Variants in MYH9 observed in about 807,000 individuals in gnomAD.
MYH9 encodes myosin-9.
In MYH9, 29 loss-of-function variants were observed where a neutral mutation model predicts 241.9. The observed-to-expected ratio is 0.12, with a 90% CI of 0.09 to 0.16. The LOEUF (loss-of-function observed/expected upper bound fraction) is 0.16. MYH9 is among the 10% of genes least tolerant of loss of function. The probability of loss-of-function intolerance (pLI) is 1.00; values close to 1 mark genes in which losing one functional copy is unlikely to be tolerated. For missense variants in MYH9, 1,803 were observed against 2,595.5 expected (o/e 0.69, Z 6.63); for synonymous variants, 1,047 against 1,062.6 (o/e 0.99, Z 0.29).
At chr22:36,325,210 G>A in intron 5 of MYH9, 1 of 678,888 alleles carries the variant, frequency 1.5e-6, no homozygotes, top group Non-Finnish European at 2.7e-6. Flanking sequence ...AAAAGAAACT[G>A]TATTAGTTTC....
At position 36,285,183 on chromosome 22, in the gene MYH9, G is replaced by C; in HGVS notation, c.5421C>G (p.Ala1807=). ...MEGTVKSKYK[A]SITALEAKIA... is the part of the protein sequence containing the mutation. ...TCTTGGCCTCGAGGGCGGTGATGGA[G>C]GCCTTGTACTTGGACTTGACAGTGC... Residue 1807 remains alanine, a synonymous_variant, in exon 38 of 41, where the codon GCC becomes GCG. Coordinates refer to ENST00000216181, the MANE Select transcript of MYH9 (RefSeq NM_002473.6). This position sits in a 1 kb window ranked among gnomAD's most constrained non-coding sequence, Gnocchi z 7.0. The C allele has an allele frequency of 6.2e-7, 1 of 1,614,144 alleles. No homozygotes were observed. Among genetic ancestry groups the C allele is most frequent in the African/African-American group, 1.3e-5 (1 of 75,034 alleles).
intron 23 of MYH9, 88 bp from the exon 24 acceptor site, chr22:36,299,130 G>C: frequency 6.4e-7 from 1 of 1,551,378 alleles, no homozygotes; most frequent in Non-Finnish European, 8.9e-7. Context: ...CGGAAATCTG[G>C]GGCTGAATGG....
rs2017389493 is a variant in MYH9, at chr22:36,329,525, T to C, written c.491-2037A>G. 6.6e-6 allele frequency among the ~76,000 whole-genome samples: 1 copy of C among 152,162 alleles called. No homozygotes were observed. Among genetic ancestry groups the C allele is most frequent in the South Asian group, 2.1e-4 (1 of 4,826 alleles). Reference sequence around the variant, plus strand: ...CTGTGGTCTGCCCCAGCTGTGGGCATGTTTAGTCACCGGCTCTACTAGCAG... The same window carrying C: ...CTGTGGTCTGCCCCAGCTGTGGGCACGTTTAGTCACCGGCTCTACTAGCAG... On this transcript the variant is annotated intron_variant, in intron 3 of 40. Coordinates refer to ENST00000216181, the MANE Select transcript of MYH9 (RefSeq NM_002473.6). This position sits in a 1 kb window ranked among gnomAD's most constrained non-coding sequence, Gnocchi z 4.1.
At position 36,293,212 on chromosome 22, in the gene MYH9, G is replaced by T. The variant is rs1603482901; in HGVS notation, c.4095+117C>A. On this transcript the variant is annotated intron_variant, in intron 30 of 40. Transcript: ENST00000216181. This position sits in a 1 kb window ranked among gnomAD's most constrained non-coding sequence, Gnocchi z 5.1. ...TGGGAGAGCACGGTTGGCTTCCCAG[G>T]GGGAGAGCAGCAATGGGCCGGCCCA... 7.2e-7 allele frequency: 1 copy of T among 1,382,376 alleles called. No homozygotes were observed. Among genetic ancestry groups the T allele is most frequent in the South Asian group, 1.2e-5 (1 of 81,702 alleles). The allele number at this position is 1,382,376 out of a possible 1,614,324, so 85.6% of individuals were successfully genotyped here.
chr22:36,290,113 T>C (rs6000229), intron 31 of MYH9, among the ~76,000 whole-genome samples: 28,046 of 152,084 alleles, frequency 0.18, 7,843 homozygotes, highest in African/African-American at 0.61. Context: ...GTGATATGAA[T>C]GCATAAATAA....
At position 36,320,429 on chromosome 22, in the gene MYH9, T is replaced by G; in HGVS notation, c.869-66A>C. On this transcript the variant is annotated intron_variant, in intron 8 of 40. Coordinates refer to ENST00000216181, the MANE Select transcript of MYH9 (RefSeq NM_002473.6). This position sits in a 1 kb window ranked among gnomAD's most constrained non-coding sequence, Gnocchi z 4.8. ...GAAAGTGGAGGCTCCATCAGCGCTG[T>G]GACCTCAAAGGTTGGAGAGACTGGG... The G allele has an allele frequency of 4.4e-6, 7 of 1,582,872 alleles. No individual in the cohort carries two copies. The highest frequency in any genetic ancestry group is 5.2e-6 in the Non-Finnish European group (6 of 1,162,480).
rs748775562 is a variant in MYH9, at chr22:36,320,789, A to G, written c.868+9T>C. 14 of 1,610,444 alleles carry G rather than the reference A, an allele frequency of 8.7e-6. No individual in the cohort carries two copies. Among genetic ancestry groups the G allele is most frequent in the Non-Finnish European group, 1.1e-5 (13 of 1,176,894 alleles). ...AGCCCCGGTGTCAGGCTGCAGGCCA[A>G]CTACTCACTCTTCAGGTGCTCTCCA... On this transcript the variant is annotated intron_variant, in intron 8 of 40. Transcript: ENST00000216181. The surrounding 1 kb of genome is among the most constrained non-coding windows in gnomAD (Gnocchi z 4.8).
At position 36,329,601 on chromosome 22, in the gene MYH9, A is replaced by T. The variant is rs2017390925; in HGVS notation, c.491-2113T>A. Among the ~76,000 whole-genome samples, 1 of 152,204 alleles carries T rather than the reference A, an allele frequency of 6.6e-6. No homozygotes were observed. Among genetic ancestry groups the T allele is most frequent in the South Asian group, 2.1e-4 (1 of 4,830 alleles). On this transcript the variant is annotated intron_variant, in intron 3 of 40. Transcript: ENST00000216181. The surrounding 1 kb of genome is among the most constrained non-coding windows in gnomAD (Gnocchi z 4.1). ...CAAGTCGTGAGCAGCCAACGGCCCA[A>T]TGCTACCATAAAAGGAAACATTCCC...
chr22:36,369,415 T>G (rs1214289391), intron 1 of MYH9, among the ~76,000 whole-genome samples: 1 of 152,090 alleles, frequency 6.6e-6, no homozygotes, highest in Admixed American at 6.5e-5. Flanking sequence ...CAGGAAACAG[T>G]GGGCGGCAGG....
At chr22:36,370,301 G>A (rs2018070217) in intron 1 of MYH9, among the ~76,000 whole-genome samples, 2 of 152,164 alleles carry the variant, frequency 1.3e-5, no homozygotes, top group Non-Finnish European at 2.9e-5. Context: ...AGGCTCAGAA[G>A]CCAAAGAAAT....
At position 36,282,548 on chromosome 22, in the gene MYH9, G is replaced by A; in HGVS notation, c.*120C>T. The A allele has an allele frequency of 2.1e-6, 2 of 947,098 alleles. No individual in the cohort carries two copies. The highest frequency in any genetic ancestry group is 2.4e-5 in the East Asian group (1 of 41,946). The allele number at this position is 947,098 out of a possible 1,614,324, so 58.7% of individuals were successfully genotyped here. A position where few individuals can be genotyped will look rare whatever the true frequency, so the allele number is the denominator to read the frequency against. On this transcript the variant is annotated 3_prime_UTR_variant, in exon 41 of 41. Coordinates refer to ENST00000216181, the MANE Select transcript of MYH9 (RefSeq NM_002473.6). ...ACGGGATGGGGGGACGGGGCGGAGG[G>A]CAGGAGGAGGCATGTTCACAGCAGT... is the stretch of plus-strand genomic sequence containing the variant.
At chr22:36,331,926 T>C (rs529291435) in intron 3 of MYH9, among the ~76,000 whole-genome samples, 26 of 152,330 alleles carry the variant, frequency 1.7e-4, no homozygotes, top group African/African-American at 5.3e-4. Context: ...CTGAGACAAA[T>C]GGGACCAAAA....
chr22:36,301,237 C>G (rs1012494388), intron 21 of MYH9, among the ~76,000 whole-genome samples, 180 bp from the exon 22 acceptor site: 3 of 152,310 alleles, frequency 2.0e-5, no homozygotes, highest in Admixed American at 1.3e-4. Flanking sequence ...CTTGATTTTT[C>G]ACTACCCCAT....
At position 36,293,842 on chromosome 22, in the gene MYH9, C is replaced by T. The variant is rs781586533; in HGVS notation, c.3859G>A (p.Gly1287Arg). ...TTGCTGTCGGACTGGCTGAGAAGCC[C>T]GGTCACGTTGTCCAGCTCCACCTGC... ...KLQVELDNVTGLLSQSDSKSS... is the reference protein window; with the variant it reads ...KLQVELDNVTRLLSQSDSKSS... The change falls in exon 29 of 41, where the codon GGG (glycine) becomes AGG (arginine). Residue 1287 changes from glycine (G) to arginine (R), a missense_variant. Physicochemically the swap from Gly to Arg is moderately radical, Grantham distance 125. Coordinates refer to ENST00000216181, the MANE Select transcript of MYH9 (RefSeq NM_002473.6). The surrounding 1 kb of genome is among the most constrained non-coding windows in gnomAD (Gnocchi z 5.1). 11 of 1,613,484 alleles carry T rather than the reference C, an allele frequency of 6.8e-6. No homozygotes were observed. Among genetic ancestry groups the T allele is most frequent in the South Asian group, 2.2e-5 (2 of 91,036 alleles).
At chr22:36,357,162 C>T (rs1386882737) in intron 1 of MYH9, among the ~76,000 whole-genome samples, 1 of 152,184 alleles carries the variant, frequency 6.6e-6, no homozygotes, top group African/African-American at 2.4e-5. Context: ...AGGAGAGGAA[C>T]ATGCAACTTG....
chr22:36,315,184 C>T (rs553468279), intron 12 of MYH9, among the ~76,000 whole-genome samples: 32 of 152,232 alleles, frequency 2.1e-4, no homozygotes, highest in African/African-American at 7.2e-4. Context: ...CTGCAACAAC[C>T]GGAATGTAAC....
chr22:36,286,063 A>C, intron 35 of MYH9, 110 bp from the exon 36 acceptor site: 3 of 1,161,538 alleles, frequency 2.6e-6, no homozygotes, highest in Non-Finnish European at 3.8e-6. Flanking sequence ...CCACCTCCCC[A>C]CGAAGCCCTT....
intron 1 of MYH9, among the ~76,000 whole-genome samples, chr22:36,387,537 G>A (rs539709974): frequency 3.3e-5 from 5 of 151,984 alleles, no homozygotes; most frequent in Non-Finnish European, 7.4e-5. Context: ...GGGACACGGG[G>A]GGCGCCGGGG....
intron 2 of MYH9, among the ~76,000 whole-genome samples, chr22:36,342,951 C>T (rs1049106177): frequency 3.9e-5 from 6 of 152,234 alleles, no homozygotes; most frequent in Non-Finnish European, 8.8e-5. Context: ...CTTTTGTTTT[C>T]TCCATCACAA....
Sources: allele counts gnomAD v4.1 joint callset (sites outside exome capture counted in the v4.1 genomes callset), GRCh38; gene constraint gnomAD v4.1.1; non-coding constraint Gnocchi (gnomAD v3.1); transcripts MANE v1.5; gene names NCBI Gene and HGNC (gene_info 2026-07-23, HGNC 2026-07-21).